Variants in PLA2G4D observed in about 807,000 individuals in gnomAD.
The protein encoded by PLA2G4D is phospholipase A2 group IVD.
PLA2G4D carries 80 observed loss-of-function variants against 94.4 expected under a neutral mutation model. The ratio of observed to expected loss-of-function variants is 0.85; its 90% CI spans 0.71 to 1.02. The LOEUF is 1.02. PLA2G4D is among the 50% of genes least tolerant of loss of function. The pLI is 0.00. For missense variants in PLA2G4D, 1,050 were observed against 1,034.7 expected (o/e 1.01, Z -0.20); for synonymous variants, 438 against 440.9 (o/e 0.99, Z 0.08).
intron 4 of PLA2G4D, 22 bp downstream of exon 4, chr15:42,086,191 A>T: frequency 7.1e-7 from 1 of 1,410,286 alleles, no homozygotes; most frequent in Non-Finnish European, 9.4e-7. Context: ...GCCCACGGGG[A>T]CTTCCCCACC....
chr15:42,088,366 A>C (rs1334552385), intron 1 of PLA2G4D, among the ~76,000 whole-genome samples: 1 of 152,232 alleles, frequency 6.6e-6, no homozygotes, highest in Non-Finnish European at 1.5e-5. Context: ...AGGGAGAAGC[A>C]GCTGAGTGGG....
In PLA2G4D at chr15:42,083,241, T is replaced by C. The variant is rs140379004; in HGVS notation, c.629A>G (p.His210Arg). 5.0e-5 allele frequency: 80 copies of C among 1,614,022 alleles called. No individual in the cohort carries two copies. Among genetic ancestry groups the C allele is most frequent in the Non-Finnish European group, 6.5e-5 (77 of 1,180,010 alleles). Residue 210 changes from histidine to arginine, a missense_variant, in exon 8 of 20, where the codon CAC becomes CGC. Coordinates refer to ENST00000290472, the MANE Select transcript of PLA2G4D (RefSeq NM_178034.4). ...FLGTASAFRF[H>R]YMAALETELS... The stretch of plus-strand genomic sequence containing the variant: ...CTCTGTCTCTAGGGCTGCCATGTAG[T>C]GGAAGCGGAAGGCAGAGGCTGTGCC...
At position 42,086,197 on chromosome 15, in the gene PLA2G4D, C is replaced by CT; in HGVS notation, c.387+15_387+16insA. 8.2e-6 allele frequency: 3 copies of CT among 365,850 alleles called. No individual in the cohort carries two copies. The highest frequency in any genetic ancestry group is 1.0e-5 in the Non-Finnish European group (2 of 194,994). The allele number at this position is 365,850 out of a possible 1,614,324, so 22.7% of individuals were successfully genotyped here. A position where few individuals can be genotyped will look rare whatever the true frequency, so the allele number is the denominator to read the frequency against. On this transcript the variant is annotated intron_variant, in intron 4 of 19. Coordinates refer to ENST00000290472, the MANE Select transcript of PLA2G4D (RefSeq NM_178034.4). ...AGAAGTGGGGCCCACGGGGACTTCC[C>CT]CACCCACCCACCCACCTGGGGACTC... is the stretch of plus-strand genomic sequence containing the variant.
In PLA2G4D at chr15:42,068,445, G is replaced by T; in HGVS notation, c.*270C>A. On this transcript the variant is annotated 3_prime_UTR_variant, in exon 20 of 20. Coordinates refer to ENST00000290472, the MANE Select transcript of PLA2G4D (RefSeq NM_178034.4). Reference sequence around the variant, plus strand: ...CTTCAAATCTATCCTGCTCAGGCATGGAAGTAATTGTGGTGTGAAAGTCTG... The same window carrying T: ...CTTCAAATCTATCCTGCTCAGGCATTGAAGTAATTGTGGTGTGAAAGTCTG... 1 of 483,662 alleles carries T rather than the reference G, an allele frequency of 2.1e-6. No homozygotes were observed. Among genetic ancestry groups the T allele is most frequent in the Non-Finnish European group, 3.8e-6 (1 of 265,880 alleles). The allele number at this position is 483,662 out of a possible 1,614,324, so 30.0% of individuals were successfully genotyped here.
intron 11 of PLA2G4D, 52 bp downstream of exon 11, chr15:42,081,427 C>T (rs1595595025): frequency 6.3e-7 from 1 of 1,584,130 alleles, no homozygotes; most frequent in Non-Finnish European, 8.6e-7. Flanking sequence ...TCAGGTACTC[C>T]CTTATGGCCC....
At chr15:42,070,948 C>G (rs1350958737) in intron 17 of PLA2G4D, 65 bp from the exon 18 acceptor site, 44 of 1,562,722 alleles carry the variant, frequency 2.8e-5, no homozygotes, top group Non-Finnish European at 3.4e-5. Context: ...GTCCCCTTCT[C>G]TCCTCTGGGT....
chr15:42,081,622 A>G lies in PLA2G4D; in HGVS notation c.822-8T>C. On this transcript the variant is annotated splice_polypyrimidine_tract_variant and splice_region_variant and intron_variant, in intron 10 of 19. Coordinates refer to ENST00000290472, the MANE Select transcript of PLA2G4D (RefSeq NM_178034.4). ...ACGGCCAGCTCCTCAGGGCTGTGGC[A>G]ATGGAGGATCCAGGGGTCAGGGGAC... 6.2e-7 allele frequency: 1 copy of G among 1,613,778 alleles called. No individual in the cohort carries two copies. The highest frequency in any genetic ancestry group is 8.5e-7 in the Non-Finnish European group (1 of 1,179,774).
rs1393463245 is a variant in PLA2G4D at position 42,068,726 on chromosome 15, C to A, written c.2446G>T (p.Ala816Ser). ...HRTLEARPPR[A>S]QT ...GCCTCTGAGCAACCTCAGGTCTGTG[C>A]CCTTGGAGGCCTCGCCTCTAGAGTC... Residue 816 changes from alanine (A) to serine (S), a missense_variant, in exon 20 of 20, where the codon GCA (alanine) becomes TCA (serine). Physicochemically the swap from Ala to Ser is moderately conservative, Grantham distance 99 (BLOSUM62 1). Coordinates refer to ENST00000290472, the MANE Select transcript of PLA2G4D (RefSeq NM_178034.4). 1 of 1,605,656 alleles carries A rather than the reference C, an allele frequency of 6.2e-7. No homozygotes were observed. Among genetic ancestry groups the A allele is most frequent in the Non-Finnish European group, 8.5e-7 (1 of 1,175,956 alleles).
intron 13 of PLA2G4D, among the ~76,000 whole-genome samples, chr15:42,079,333 G>T (rs1889987370): frequency 6.6e-6 from 1 of 152,186 alleles, no homozygotes; most frequent in African/African-American, 2.4e-5. Flanking sequence ...CCAGCTTTTG[G>T]GAGATCCAGA....
Position 42,082,403 on chromosome 15 carries a change from ATCAT to A in PLA2G4D, c.673-18_673-15del, listed in dbSNP as rs58062429. 2.5e-4 allele frequency: 397 copies of A among 1,566,874 alleles called. No homozygotes were observed. The highest frequency in any genetic ancestry group is 8.2e-4 in the African/African-American group (61 of 74,192). On this transcript the variant is annotated splice_polypyrimidine_tract_variant and intron_variant, in intron 8 of 19. Coordinates refer to ENST00000290472, the MANE Select transcript of PLA2G4D (RefSeq NM_178034.4). ...GCTTCTGGAGCTCTGAAGGGAAAGC[ATCAT>A]TCATTCATTCATTCATTCATTCAAC...
intron 4 of PLA2G4D, among the ~76,000 whole-genome samples, chr15:42,085,875 T>C (rs1890133285): frequency 2.6e-5 from 4 of 152,196 alleles, no homozygotes; most frequent in Admixed American, 2.6e-4. Context: ...CCCCGAACTC[T>C]GCCGTCCCCA....
rs751180210 is a variant in PLA2G4D at position 42,081,815 on chromosome 15, T to A, written c.803A>T (p.Gln268Leu). The change falls in exon 10 of 20, where the codon CAG becomes CTG. Residue 268 changes from glutamine to leucine, a missense_variant. Coordinates refer to ENST00000290472, the MANE Select transcript of PLA2G4D (RefSeq NM_178034.4). ...CCCTTACCAGCCCTCTGCCTTGAGC[T>A]GCAGCCTCACTCCTGGGGCCTGAAA... ...PAPNAPGVRL[Q>L]LKAEGCPEEL... The A allele has an allele frequency of 1.4e-5, 22 of 1,614,074 alleles. No homozygotes were observed. Among genetic ancestry groups the A allele is most frequent in the Non-Finnish European group, 2.5e-6 (3 of 1,180,038 alleles).
chr15:42,070,896 G>T lies in PLA2G4D; in HGVS notation c.1877-13C>A. 1.2e-6 allele frequency: 2 copies of T among 1,607,846 alleles called. No individual in the cohort carries two copies. Among genetic ancestry groups the T allele is most frequent in the South Asian group, 1.1e-5 (1 of 89,840 alleles). ...TCAAGCTGGTAGTCTGGTGGGAATC[G>T]CAGGATGGTCAGAGGCCACCACCCT... On this transcript the variant is annotated splice_polypyrimidine_tract_variant and intron_variant, in intron 17 of 19. Transcript: ENST00000290472.
At chr15:42,070,597 G>A in intron 18 of PLA2G4D, 120 bp downstream of exon 18, 1 of 1,253,900 alleles carries the variant, frequency 8.0e-7, no homozygotes. Flanking sequence ...ATCAAGGCCT[G>A]ACACCTCTCC....
At chr15:42,073,753 A>T (rs1566861134) in intron 13 of PLA2G4D, among the ~76,000 whole-genome samples, 1 of 152,196 alleles carries the variant, frequency 6.6e-6, no homozygotes, top group Non-Finnish European at 1.5e-5. Flanking sequence ...AAAAACCCTC[A>T]GATGATCCTG....
In PLA2G4D at chr15:42,068,725, G is replaced by A. The variant is rs1208965623; in HGVS notation, c.2447C>T (p.Ala816Val). 3.0e-5 allele frequency: 48 copies of A among 1,605,424 alleles called. No individual in the cohort carries two copies. The highest frequency in any genetic ancestry group is 3.9e-5 in the Non-Finnish European group (46 of 1,175,912). ...AGCCTCTGAGCAACCTCAGGTCTGT[G>A]CCCTTGGAGGCCTCGCCTCTAGAGT... Reference protein sequence around the residue: ...HRTLEARPPRAQT With the variant: ...HRTLEARPPRVQT Residue 816 changes from alanine to valine, a missense_variant, in exon 20 of 20, where the codon GCA (alanine) becomes GTA (valine). Physicochemically the swap from Ala to Val is moderately conservative, Grantham distance 64 (BLOSUM62 0). Coordinates refer to ENST00000290472, the MANE Select transcript of PLA2G4D (RefSeq NM_178034.4).
Position 42,081,008 on chromosome 15 carries a change from A to C in PLA2G4D, c.1083T>G (p.Ser361=). 1 of 1,613,986 alleles carries C rather than the reference A, an allele frequency of 6.2e-7. No homozygotes were observed. The highest frequency in any genetic ancestry group is 8.5e-7 in the Non-Finnish European group (1 of 1,179,912). The change falls in exon 12 of 20, where the codon TCT becomes TCG. Residue 361 remains serine, a synonymous_variant. Coordinates refer to ENST00000290472, the MANE Select transcript of PLA2G4D (RefSeq NM_178034.4). ...LDCVTYFSGI[S]GSTWTMAHLY... The stretch of plus-strand genomic sequence containing the variant: ...CCCAGGATCCTCACCACGTAGAGCC[A>C]GAGATGCCACTGAAGTAGGTCACAC...
In PLA2G4D at chr15:42,086,194, T is replaced by TTGGGGGGGGGGGGCCC; in HGVS notation, c.387+18_387+19insGGGCCCCCCCCCCCCA. On this transcript the variant is annotated intron_variant, in intron 4 of 19. Transcript: ENST00000290472. ...GGAAGAAGTGGGGCCCACGGGGACT[T>TTGGGGGGGGGGGGCCC]CCCCACCCACCCACCCACCTGGGGA... is the stretch of plus-strand genomic sequence containing the variant. 2.2e-6 allele frequency: 3 copies of TTGGGGGGGGGGGGCCC among 1,370,442 alleles called. No individual in the cohort carries two copies. The highest frequency in any genetic ancestry group is 2.9e-6 in the Non-Finnish European group (3 of 1,043,082). 84.9% of individuals were successfully genotyped at this position (1,370,442 alleles called of 1,614,324 possible). A position where few individuals can be genotyped will look rare whatever the true frequency, so the allele number is the denominator to read the frequency against.
Position 42,082,422 on chromosome 15 carries a change from A to G in PLA2G4D, c.673-33T>C, listed in dbSNP as rs368874614. On this transcript the variant is annotated intron_variant, in intron 8 of 19. Coordinates refer to ENST00000290472, the MANE Select transcript of PLA2G4D (RefSeq NM_178034.4). ...GAAAGCATCATTCATTCATTCATTC[A>G]TTCATTCAACAAATCCCTACTAAGT... 34 of 1,545,632 alleles carry G rather than the reference A, an allele frequency of 2.2e-5. No individual in the cohort carries two copies. The Middle Eastern group carries it at 1.0e-3, about 46-fold the overall frequency.
Sources: allele counts gnomAD v4.1 joint callset (sites outside exome capture counted in the v4.1 genomes callset), GRCh38; gene constraint gnomAD v4.1.1; transcripts MANE v1.5; gene names NCBI Gene and HGNC (gene_info 2026-07-23, HGNC 2026-07-21).